ABCB11: variants seen among roughly 807,000 people sequenced by gnomAD.
The protein encoded by ABCB11 is ATP binding cassette subfamily B member 11, also known as bile salt export pump.
Under a neutral mutation model 148.0 loss-of-function variants are expected in ABCB11, and 95 were observed. That is an observed-to-expected ratio of 0.64 (90% CI 0.54 to 0.76). The LOEUF (loss-of-function observed/expected upper bound fraction) is 0.76. Among genes scored for constraint, ABCB11 ranks in the 30% least tolerant of loss-of-function variants. The probability of loss-of-function intolerance (pLI) is 0.00; values close to 1 mark genes in which losing one functional copy is unlikely to be tolerated. For missense variants in ABCB11, 1,523 were observed against 1,617.8 expected, an observed-to-expected ratio of 0.94 and a Z score of 1.01; for synonymous variants, 591 against 555.4, an observed-to-expected ratio of 1.06 and a Z score of -0.90.
intron 13 of ABCB11, 107 bp downstream of exon 13, chr2:168,973,608 C>T: frequency 7.5e-7 from 1 of 1,332,880 alleles, no homozygotes; most frequent in Non-Finnish European, 1.0e-6. Context: ...GTTAACTATG[C>T]ATGCCAGGAC....
intron 14 of ABCB11, 85 bp downstream of exon 14, chr2:168,971,762 T>A: frequency 7.9e-7 from 1 of 1,261,628 alleles, no homozygotes; most frequent in Non-Finnish European, 1.1e-6. Flanking sequence ...TTGGGAATCA[T>A]ACGAGAAGAA....
intron 22 of ABCB11, 89 bp downstream of exon 22, chr2:168,936,141 C>CT: frequency 7.8e-7 from 1 of 1,289,208 alleles, no homozygotes; most frequent in Non-Finnish European, 1.1e-6. Flanking sequence ...TGACAGCTTC[C>CT]TTCAGTCTCT....
chr2:169,012,943 T>C (rs961552224), intron 5 of ABCB11, among the ~76,000 whole-genome samples: 6 of 151,954 alleles, frequency 3.9e-5, no homozygotes, highest in South Asian at 2.1e-4. Flanking sequence ...TTGGAGATGA[T>C]ACTCAAGTAA....
At chr2:168,990,767 A>T in intron 9 of ABCB11, 34 bp downstream of exon 9, 1 of 1,610,814 alleles carries the variant, frequency 6.2e-7, no homozygotes, top group Non-Finnish European at 8.5e-7. Context: ...TGATTGATGA[A>T]ATTAAGGAAA....
intron 19 of ABCB11, among the ~76,000 whole-genome samples, chr2:168,955,298 T>C (rs543399902): frequency 9.2e-5 from 14 of 151,784 alleles, no homozygotes; most frequent in African/African-American, 2.9e-4. Context: ...CACACTGCTA[T>C]TCCTGACACT....
intron 11 of ABCB11, among the ~76,000 whole-genome samples, chr2:168,977,268 T>C (rs560186110): frequency 1.3e-5 from 2 of 152,172 alleles, no homozygotes; most frequent in Admixed American, 6.5e-5. Flanking sequence ...ACTGGTGATA[T>C]GCCCATTTTC....
rs887349193 is a variant in ABCB11 at position 168,927,228 on chromosome 2, T to G, written c.3546A>C (p.Glu1182Asp). ...CTGCTATGACTCTTTCCATGGGAAT[T>G]TCTTTGGTGTTGTCTCCATACTTGA... Reference protein sequence around the residue: ...DNIKYGDNTKEIPMERVIAAA... With the variant: ...DNIKYGDNTKDIPMERVIAAA... The change falls in exon 26 of 28, where the codon GAA (glutamate) becomes GAC (aspartate). Residue 1182 changes from glutamate (E) to aspartate (D), a missense_variant. By Grantham distance (45) the Glu-to-Asp change is conservative. Coordinates refer to ENST00000650372, the MANE Select transcript of ABCB11 (RefSeq NM_003742.4). The G allele has an allele frequency of 1.2e-6, 2 of 1,613,926 alleles. No individual in the cohort carries two copies. Among genetic ancestry groups the G allele is most frequent in the Non-Finnish European group, 8.5e-7 (1 of 1,179,818 alleles).
At chr2:168,968,621 T>G in intron 16 of ABCB11, 131 bp from the exon 17 acceptor site, 1 of 752,056 alleles carries the variant, frequency 1.3e-6, no homozygotes, top group Non-Finnish European at 2.0e-6. Flanking sequence ...TTAACTTTAT[T>G]GCAATAAATA....
chr2:168,987,979 CATACTT>C (rs1442971638), intron 9 of ABCB11, among the ~76,000 whole-genome samples: 9 of 151,756 alleles, frequency 5.9e-5, no homozygotes, highest in Non-Finnish European at 1.3e-4. Context: ...CATTACCTCA[CATACTT>C]ATATTGTGTG....
chr2:168,934,248 G>A (rs1691716884), intron 23 of ABCB11, among the ~76,000 whole-genome samples: 1 of 152,154 alleles, frequency 6.6e-6, no homozygotes, highest in Non-Finnish European at 1.5e-5. Context: ...CTGGGTGGGT[G>A]TAGTGGAGTG....
intron 19 of ABCB11, among the ~76,000 whole-genome samples, chr2:168,952,688 T>G (rs542375405): frequency 0.022 from 2,668 of 119,664 alleles, 108 homozygotes; most frequent in African/African-American, 0.067. Flanking sequence ...TTTTTTTTTT[T>G]TTGTTTGTTT....
chr2:168,961,571 CAA>C (rs772187156), intron 18 of ABCB11, among the ~76,000 whole-genome samples: 20 of 151,612 alleles, frequency 1.3e-4, no homozygotes, highest in Non-Finnish European at 2.4e-4. Context: ...TTAGTTTCAC[CAA>C]AAGAGATTGC....
chr2:168,979,219 C>T (rs1201455975), intron 11 of ABCB11, among the ~76,000 whole-genome samples: 1 of 152,122 alleles, frequency 6.6e-6, no homozygotes, highest in Admixed American at 6.5e-5. Context: ...GTTTCAGCTT[C>T]TTTAAATCAG....
chr2:169,030,835 C>T (rs1219922646), intron 1 of ABCB11, among the ~76,000 whole-genome samples: 1 of 152,150 alleles, frequency 6.6e-6, no homozygotes, highest in African/African-American at 2.4e-5. Flanking sequence ...AATTTGTGAT[C>T]ATTGAATCTG....
At chr2:168,955,861 C>A (rs954231842) in intron 19 of ABCB11, among the ~76,000 whole-genome samples, 1 of 151,650 alleles carries the variant, frequency 6.6e-6, no homozygotes, top group Non-Finnish European at 1.5e-5. Context: ...GTAAATCCTT[C>A]TGTTCTAAAA....
intron 27 of ABCB11, among the ~76,000 whole-genome samples, chr2:168,924,425 A>G (rs562106508): frequency 1.3e-5 from 2 of 152,206 alleles, no homozygotes; most frequent in African/African-American, 2.4e-5. Flanking sequence ...AATGTCACTT[A>G]GCCTAAAGAA....
rs964058317 is a variant in ABCB11 at position 169,016,804 on chromosome 2, C to T, written c.77-5G>A. 26 of 1,583,242 alleles carry T rather than the reference C, an allele frequency of 1.6e-5. No homozygotes were observed. Among genetic ancestry groups the T allele is most frequent in the Non-Finnish European group, 2.2e-5 (26 of 1,164,926 alleles). ...TTGATTTCTTATCATTATTATCTGT[C>T]AGAAAAAAAAATCAACGCAAAAAAG... On this transcript the variant is annotated splice_region_variant and splice_polypyrimidine_tract_variant and intron_variant, in intron 2 of 27. Coordinates refer to ENST00000650372, the MANE Select transcript of ABCB11 (RefSeq NM_003742.4).
intron 5 of ABCB11, among the ~76,000 whole-genome samples, chr2:168,998,029 T>G (rs1313130442): frequency 6.6e-6 from 1 of 152,012 alleles, no homozygotes; most frequent in Non-Finnish European, 1.5e-5. Context: ...TTCCCAGTCT[T>G]TCATGATGAC....
chr2:168,938,265 C>T (rs1474208722), intron 21 of ABCB11, among the ~76,000 whole-genome samples: 1 of 152,082 alleles, frequency 6.6e-6, no homozygotes, highest in South Asian at 2.1e-4. Context: ...GAATTAATCA[C>T]AACAGCCAAA....
Sources: gnomAD v4.1 joint callset for allele counts (sites outside exome capture counted in the v4.1 genomes callset) on GRCh38, gnomAD v4.1.1 for gene constraint, MANE v1.5 for transcripts, NCBI Gene and HGNC (gene_info 2026-07-23, HGNC 2026-07-21) for gene names.